Variants in SLAIN1 observed in about 807,000 individuals in gnomAD.
SLAIN1 encodes SLAIN motif-containing protein 1.
SLAIN1 carries 17 observed loss-of-function variants against 55.4 expected under a neutral mutation model. The observed-to-expected ratio is 0.31, with a 90% confidence interval of 0.21 to 0.46. The LOEUF is 0.46. Among genes scored for constraint, SLAIN1 ranks in the 20% least tolerant of loss-of-function variants. The pLI, the probability that SLAIN1 is intolerant of heterozygous loss-of-function variation, is 1.00. For synonymous variants in SLAIN1, 348 were observed against 337.4 expected, an observed-to-expected ratio of 1.03 and a Z score of -0.35; for missense variants, 682 against 785.1, an observed-to-expected ratio of 0.87 and a Z score of 1.57.
intron 4 of SLAIN1, among the ~76,000 whole-genome samples, chr13:77,750,001 GA>G (rs1332321376): frequency 1.3e-5 from 2 of 152,170 alleles, no homozygotes; most frequent in Non-Finnish European, 2.9e-5. Flanking sequence ...AAAAGCTTGT[GA>G]AAGATATTCT....
chr13:77,761,203 T>TC, intron 6 of SLAIN1, 93 bp downstream of exon 6: 2 of 1,244,092 alleles, frequency 1.6e-6, no homozygotes. Context: ...CACTTTAACC[T>TC]TAGTAAGACA....
chr13:77,761,987 TTC>T (rs1314032224), intron 6 of SLAIN1, among the ~76,000 whole-genome samples: 2 of 152,348 alleles, frequency 1.3e-5, no homozygotes, highest in East Asian at 3.8e-4. Context: ...AGCAATTTTT[TTC>T]TGTCTTTATG....
intron 1 of SLAIN1, among the ~76,000 whole-genome samples, chr13:77,718,679 C>T (rs752813040): frequency 1.3e-5 from 2 of 152,082 alleles, no homozygotes; most frequent in Non-Finnish European, 2.9e-5. Context: ...TTAATGTAAG[C>T]TTATAGTAGT....
intron 2 of SLAIN1, among the ~76,000 whole-genome samples, chr13:77,737,226 A>G (rs992549982): frequency 3.3e-5 from 5 of 151,956 alleles, no homozygotes; most frequent in African/African-American, 1.2e-4. Context: ...AGATAGCTGC[A>G]CTTCAGCTCA....
Position 77,720,037 on chromosome 13 carries a change from A to T in SLAIN1, c.766+366A>T, listed in dbSNP as rs1054701530. ...TTTCTAAGGCAGAAAACAGGATTTC[A>T]TGGGGATCTGAGTACTGACCTTACT... On this transcript the variant is annotated intron_variant, in intron 2 of 6. Coordinates refer to ENST00000418532, the MANE Select transcript of SLAIN1 (RefSeq NM_001242868.2). 7.2e-5 allele frequency among the ~76,000 whole-genome samples: 11 copies of T among 152,150 alleles called. No homozygotes were observed. In the East Asian group the frequency reaches 1.9e-3, roughly 27 times the overall value.
chr13:77,697,724 C>G lies in SLAIN1; in HGVS notation c.-190C>G. The G allele has an allele frequency of 3.0e-6, 1 of 334,014 alleles. No homozygotes were observed. The highest frequency in any genetic ancestry group is 4.8e-6 in the Non-Finnish European group (1 of 206,930). The allele number at this position is 334,014 out of a possible 1,614,324, so 20.7% of individuals were successfully genotyped here. A position where few individuals can be genotyped will look rare whatever the true frequency, so the allele number is the denominator to read the frequency against. ...GACGCACTGAGCATGTGCAGATCAG[C>G]TCGGTGGTGGCTGCCGCGGCCGGAG... On this transcript the variant is annotated 5_prime_UTR_variant, in exon 1 of 7. Transcript: ENST00000418532.
In SLAIN1 at chr13:77,698,096, G is replaced by A; in HGVS notation, c.183G>A (p.Leu61=). The A allele has an allele frequency of 2.6e-6, 3 of 1,155,588 alleles. No individual in the cohort carries two copies. Among genetic ancestry groups the A allele is most frequent in the Non-Finnish European group, 3.2e-6 (3 of 946,704 alleles). 71.6% of individuals were successfully genotyped at this position (1,155,588 alleles called of 1,614,324 possible). A position where few individuals can be genotyped will look rare whatever the true frequency, so the allele number is the denominator to read the frequency against. The part of the protein sequence containing the change: ...ASAAAAPHLL[L]LPPPPPAAPP... The stretch of plus-strand genomic sequence containing the variant: ...CGGCCGCCGCCCCGCACCTGCTGCT[G>A]CTGCCGCCGCCGCCGCCCGCCGCGC... The change falls in exon 1 of 7, where the codon CTG becomes CTA. Residue 61 remains leucine, a synonymous_variant. Coordinates refer to ENST00000418532, the MANE Select transcript of SLAIN1 (RefSeq NM_001242868.2). The surrounding 1 kb of genome is among the most constrained non-coding windows in gnomAD (Gnocchi z 4.1).
At chr13:77,715,125 A>G (rs1395397735) in intron 1 of SLAIN1, among the ~76,000 whole-genome samples, 1 of 152,160 alleles carries the variant, frequency 6.6e-6, no homozygotes, top group African/African-American at 2.4e-5. Flanking sequence ...CTTGGTCTCT[A>G]AAAGTGCTGG....
In SLAIN1 at chr13:77,697,711, A is replaced by C. The variant is rs1272508614; in HGVS notation, c.-203A>C. The C allele has an allele frequency of 7.7e-6, 2 of 259,900 alleles. No individual in the cohort carries two copies. The highest frequency in any genetic ancestry group is 8.5e-5 in the East Asian group (1 of 11,798). 16.1% of individuals were successfully genotyped at this position (259,900 alleles called of 1,614,324 possible). A position where few individuals can be genotyped will look rare whatever the true frequency, so the allele number is the denominator to read the frequency against. On this transcript the variant is annotated 5_prime_UTR_variant, in exon 1 of 7. The change abolishes an upstream ATG in the 5' untranslated region. Transcript: ENST00000418532. The stretch of plus-strand genomic sequence containing the variant: ...AGGGGACTGGAGGGACGCACTGAGC[A>C]TGTGCAGATCAGCTCGGTGGTGGCT...
intron 2 of SLAIN1, among the ~76,000 whole-genome samples, chr13:77,739,948 T>C (rs898130926): frequency 3.3e-5 from 5 of 152,096 alleles, no homozygotes; most frequent in African/African-American, 1.2e-4. Context: ...CCTCAACTTA[T>C]ATTTTTGAAA....
chr13:77,699,047 T>A lies in SLAIN1; in HGVS notation c.626+508T>A, dbSNP rs772545682. ...GAAGCCGCGCAGTGATGGATCTCTC[T>A]TTATAGAGAGGTTCGTTCTTGCTGT... On this transcript the variant is annotated intron_variant, in intron 1 of 6. Coordinates refer to ENST00000418532, the MANE Select transcript of SLAIN1 (RefSeq NM_001242868.2). 5 of 1,534,774 alleles carry A rather than the reference T, an allele frequency of 3.3e-6. No individual in the cohort carries two copies. The South Asian group carries it at 6.0e-5, about 18-fold the overall frequency.
intron 2 of SLAIN1, among the ~76,000 whole-genome samples, chr13:77,731,686 T>C (rs1872868059): frequency 6.6e-6 from 1 of 152,090 alleles, no homozygotes; most frequent in Non-Finnish European, 1.5e-5. Context: ...GATCACCTTA[T>C]AGCTATCCCA....
Position 77,698,948 on chromosome 13 carries a change from C to G in SLAIN1, c.626+409C>G. ...GATGGTAGGGGTTGGCCTCTGTCTGCGACTGTTACTGTTCTTTCGTTTTAA... is the reference window on the plus strand; with the variant it reads ...GATGGTAGGGGTTGGCCTCTGTCTGGGACTGTTACTGTTCTTTCGTTTTAA... On this transcript the variant is annotated intron_variant, in intron 1 of 6. Coordinates refer to ENST00000418532, the MANE Select transcript of SLAIN1 (RefSeq NM_001242868.2). The surrounding 1 kb of genome is among the most constrained non-coding windows in gnomAD (Gnocchi z 4.1). 6.5e-7 allele frequency: 1 copy of G among 1,534,088 alleles called. No homozygotes were observed. The highest frequency in any genetic ancestry group is 1.2e-5 in the South Asian group (1 of 83,972).
chr13:77,697,765 T>C lies in SLAIN1; in HGVS notation c.-149T>C. On this transcript the variant is annotated 5_prime_UTR_variant, in exon 1 of 7. It removes the in-frame stop codon of an upstream open reading frame in the 5' UTR. Coordinates refer to ENST00000418532, the MANE Select transcript of SLAIN1 (RefSeq NM_001242868.2). ...GCGGCCGGAGGCGAGGGCCCGGTGC[T>C]GATGCGAACCGCCGGCTCGGCCTCA... is the stretch of plus-strand genomic sequence containing the variant. The C allele has an allele frequency of 1.3e-6, 1 of 773,874 alleles. No homozygotes were observed. The highest frequency in any genetic ancestry group is 1.7e-6 in the Non-Finnish European group (1 of 595,100). 47.9% of individuals were successfully genotyped at this position (773,874 alleles called of 1,614,324 possible).
At chr13:77,718,954 T>C (rs1566226515) in intron 1 of SLAIN1, among the ~76,000 whole-genome samples, 1 of 152,116 alleles carries the variant, frequency 6.6e-6, no homozygotes, top group African/African-American at 2.4e-5. Flanking sequence ...ACATATCTTT[T>C]AAAGCTCTTT....
At chr13:77,758,200 C>T (rs1313710585) in intron 5 of SLAIN1, among the ~76,000 whole-genome samples, 1 of 151,938 alleles carries the variant, frequency 6.6e-6, no homozygotes, top group Non-Finnish European at 1.5e-5. Context: ...AACATTTTTT[C>T]ATTTGTCTGT....
intron 5 of SLAIN1, among the ~76,000 whole-genome samples, chr13:77,757,070 T>TA (rs1341710992): frequency 2.6e-5 from 4 of 152,288 alleles, no homozygotes; most frequent in African/African-American, 7.2e-5. Flanking sequence ...TGAAGGTTTT[T>TA]AAAAAATTAA....
chr13:77,700,116 TATG>T (rs1384506792), intron 1 of SLAIN1, among the ~76,000 whole-genome samples: 1 of 152,222 alleles, frequency 6.6e-6, no homozygotes, highest in Non-Finnish European at 1.5e-5. Flanking sequence ...TGTTTGTAAA[TATG>T]AGATTAGTAA....
intron 1 of SLAIN1, among the ~76,000 whole-genome samples, chr13:77,713,362 G>A (rs1339474521): frequency 6.6e-6 from 1 of 152,186 alleles, no homozygotes; most frequent in African/African-American, 2.4e-5. Context: ...AGTGGGCGAA[G>A]GATATGAACA....
Sources: allele counts gnomAD v4.1 joint callset (sites outside exome capture counted in the v4.1 genomes callset), GRCh38; gene constraint gnomAD v4.1.1; non-coding constraint Gnocchi (gnomAD v3.1); transcripts MANE v1.5; gene names NCBI Gene and HGNC (gene_info 2026-07-23, HGNC 2026-07-21).